UBR1: variants seen among roughly 807,000 people sequenced by gnomAD.
The protein encoded by UBR1 is ubiquitin protein ligase E3 component n-recognin 1, also known as E3 ubiquitin-protein ligase UBR1.
UBR1 carries 102 observed loss-of-function variants against 242.1 expected under a neutral mutation model. That is an observed-to-expected ratio of 0.42 (90% confidence interval 0.36 to 0.50). The LOEUF is 0.50. UBR1 is among the 20% of genes least tolerant of loss of function. UBR1 has a pLI of 0.01. For missense variants in UBR1, 1,772 were observed against 2,101.8 expected, an observed-to-expected ratio of 0.84 and a Z score of 3.07; for synonymous variants, 675 against 684.8, an observed-to-expected ratio of 0.99 and a Z score of 0.22.
intron 17 of UBR1, among the ~76,000 whole-genome samples, chr15:43,037,570 A>G (rs530993653): frequency 1.3e-5 from 2 of 152,142 alleles, no homozygotes; most frequent in Non-Finnish European, 2.9e-5. Flanking sequence ...CAAGCATCCT[A>G]GTTTATAATT....
intron 37 of UBR1, among the ~76,000 whole-genome samples, chr15:42,983,175 A>G (rs1180152958): frequency 6.6e-6 from 1 of 152,182 alleles, no homozygotes; most frequent in Non-Finnish European, 1.5e-5. Context: ...TAGCATTTCC[A>G]TTATTTCATA....
intron 29 of UBR1, among the ~76,000 whole-genome samples, chr15:43,010,833 A>T (rs951481643): frequency 6.6e-6 from 1 of 150,768 alleles, no homozygotes; most frequent in East Asian, 1.9e-4. Context: ...AAAAAAAAAA[A>T]AAAAAAAATA....
In UBR1 at chr15:43,056,364, T is replaced by C. The variant is rs1228851998; in HGVS notation, c.1261A>G (p.Met421Val). Residue 421 changes from methionine (M) to valine (V), a missense_variant, in exon 11 of 47, where the codon ATG (methionine) becomes GTG (valine). Met to Val is a conservative substitution (Grantham distance 21). Coordinates refer to ENST00000290650, the MANE Select transcript of UBR1 (RefSeq NM_174916.3). ...CATACCAGAGTAGGAACAGTAAACA[T>C]CTGAACTGAAAGTGCAGTTATAGAG... ...SISITALSVQ[M>V]FTVPTLARHL... is the part of the protein sequence containing the mutation. The C allele has an allele frequency of 6.2e-7, 1 of 1,611,426 alleles. No homozygotes were observed. The highest frequency in any genetic ancestry group is 1.3e-5 in the African/African-American group (1 of 74,888).
chr15:42,946,144 G>A (rs2031729461), intron 46 of UBR1, among the ~76,000 whole-genome samples: 1 of 151,882 alleles, frequency 6.6e-6, no homozygotes, highest in Non-Finnish European at 1.5e-5. Flanking sequence ...GTTTTTTGGA[G>A]ATGGAGTTTC....
At chr15:43,027,874 TC>T in intron 21 of UBR1, 46 bp from the exon 22 acceptor site, 1 of 1,433,692 alleles carries the variant, frequency 7.0e-7, no homozygotes, top group Non-Finnish European at 9.8e-7. Flanking sequence ...TATAATGACT[TC>T]CACCTCTCTG....
rs533064069 is a variant in UBR1 at position 42,966,339 on chromosome 15, T to G, written c.4458-53A>C. 1.2e-5 allele frequency: 19 copies of G among 1,607,110 alleles called. No homozygotes were observed. In the South Asian group the frequency reaches 2.1e-4, roughly 18 times the overall value. ...CAGAATACATATCAGACTAAAGCCC[T>G]AGATTTAAACATATCCCCCTTTTCA... On this transcript the variant is annotated intron_variant, in intron 40 of 46. Coordinates refer to ENST00000290650, the MANE Select transcript of UBR1 (RefSeq NM_174916.3).
At chr15:43,025,506 G>T in intron 23 of UBR1, 77 bp from the exon 24 acceptor site, 2 of 1,065,174 alleles carry the variant, frequency 1.9e-6, no homozygotes, top group South Asian at 1.3e-5. Flanking sequence ...AGTCAGGAAA[G>T]ACCCAACCAC....
chr15:42,950,792 G>T (rs2031821670), intron 45 of UBR1, among the ~76,000 whole-genome samples: 1 of 152,212 alleles, frequency 6.6e-6, no homozygotes, highest in Admixed American at 6.5e-5. Context: ...AACTAGGGAA[G>T]TATGCCAGCT....
chr15:42,946,250 G>A (rs772855772), intron 46 of UBR1, among the ~76,000 whole-genome samples: 6 of 152,036 alleles, frequency 3.9e-5, no homozygotes, highest in African/African-American at 7.2e-5. Flanking sequence ...TCAGCCTCCA[G>A]AGTAGCTGGG....
chr15:42,958,476 G>C (rs2031959468), intron 43 of UBR1, among the ~76,000 whole-genome samples: 2 of 152,096 alleles, frequency 1.3e-5, no homozygotes, highest in African/African-American at 4.8e-5. Flanking sequence ...CTGTAAACTA[G>C]GGATAAAATA....
rs1382558126 is a variant in UBR1 at position 42,943,853 on chromosome 15, A to C, written c.*1476T>G. ...TTTATCCAGATACCTTCTGAATTGT[A>C]ATTATTCAAGTAGAAAATCATGATT... On this transcript the variant is annotated 3_prime_UTR_variant, in exon 47 of 47. Coordinates refer to ENST00000290650, the MANE Select transcript of UBR1 (RefSeq NM_174916.3). 6.6e-6 allele frequency: 1 copy of C among 152,446 alleles called. No individual in the cohort carries two copies. Among genetic ancestry groups the C allele is most frequent in the Non-Finnish European group, 1.5e-5 (1 of 68,030 alleles). 9.4% of individuals were successfully genotyped at this position (152,446 alleles called of 1,614,324 possible).
intron 39 of UBR1, among the ~76,000 whole-genome samples, chr15:42,975,145 C>G (rs2032268769): frequency 6.6e-6 from 1 of 152,060 alleles, no homozygotes. Flanking sequence ...ATCCACCTGC[C>G]TCAGCCTCCC....
At chr15:43,093,970 T>C (rs2034132738) in intron 1 of UBR1, among the ~76,000 whole-genome samples, 1 of 152,120 alleles carries the variant, frequency 6.6e-6, no homozygotes, top group African/African-American at 2.4e-5. Context: ...CTTCATTTCA[T>C]GGCTAAACTG....
chr15:43,105,570 A>C (rs945532031), intron 1 of UBR1, among the ~76,000 whole-genome samples: 1 of 152,216 alleles, frequency 6.6e-6, no homozygotes, highest in Admixed American at 6.5e-5. Flanking sequence ...ATAAAATACC[A>C]GGTGCTGCGT....
At chr15:43,068,705 C>CCG (rs2033786309) in intron 5 of UBR1, among the ~76,000 whole-genome samples, 1 of 152,096 alleles carries the variant, frequency 6.6e-6, no homozygotes, top group South Asian at 2.1e-4. Flanking sequence ...ACTGCAACCT[C>CCG]CGCCTCCCGT....
chr15:43,037,237 A>G (rs148957085), intron 17 of UBR1, among the ~76,000 whole-genome samples: 1 of 151,844 alleles, frequency 6.6e-6, no homozygotes. Context: ...AGTCCCAGCT[A>G]CTGGGGAGGC....
intron 44 of UBR1, among the ~76,000 whole-genome samples, chr15:42,954,036 C>T (rs2031877420): frequency 6.6e-6 from 1 of 151,968 alleles, no homozygotes; most frequent in Admixed American, 6.6e-5. Context: ...GCACATGCCA[C>T]CAAGCCTAGC....
At chr15:42,988,710 C>T in intron 35 of UBR1, 109 bp downstream of exon 35, 1 of 1,436,362 alleles carries the variant, frequency 7.0e-7, no homozygotes, top group African/African-American at 1.4e-5. Flanking sequence ...TAATAGTCCT[C>T]ATACAAGTCA....
chr15:43,077,993 T>C (rs1197353884), intron 3 of UBR1, among the ~76,000 whole-genome samples: 3 of 152,178 alleles, frequency 2.0e-5, no homozygotes, highest in Non-Finnish European at 2.9e-5. Flanking sequence ...AACGTTCATA[T>C]GACGTACTCC....
Sources: gnomAD v4.1 joint callset for allele counts (sites outside exome capture counted in the v4.1 genomes callset) on GRCh38, gnomAD v4.1.1 for gene constraint, MANE v1.5 for transcripts, NCBI Gene and HGNC (gene_info 2026-07-23, HGNC 2026-07-21) for gene names.